RARB: variants seen among roughly 807,000 people sequenced by gnomAD.
The protein encoded by RARB is HBV-activated protein.
RARB carries 17 observed loss-of-function variants against 51.9 expected under a neutral mutation model. That is an observed-to-expected ratio of 0.33 (90% CI 0.22 to 0.49). The LOEUF is 0.49. Ranked by LOEUF, RARB falls within the 20% of genes least tolerant of loss-of-function variation. The pLI is 0.99. For missense variants in RARB, 369 were observed against 550.8 expected (o/e 0.67, Z 3.30); for synonymous variants, 215 against 195.4 (o/e 1.10, Z -0.84).
At chr3:25,591,777 A>G (rs1158331577) in intron 5 of RARB, among the ~76,000 whole-genome samples, 1 of 152,226 alleles carries the variant, frequency 6.6e-6, no homozygotes, top group African/African-American at 2.4e-5. Context: ...TTTTAAAAAT[A>G]TATACAACAG....
chr3:25,248,120 G>T (rs1361485415), intron 5 of RARB, among the ~76,000 whole-genome samples: 1 of 152,104 alleles, frequency 6.6e-6, no homozygotes, highest in Non-Finnish European at 1.5e-5. Flanking sequence ...CTTTTATCAT[G>T]ATATAATGAC....
intron 5 of RARB, among the ~76,000 whole-genome samples, chr3:25,210,936 C>T (rs1285979201): frequency 1.3e-5 from 2 of 152,106 alleles, no homozygotes; most frequent in Non-Finnish European, 2.9e-5. Flanking sequence ...ATGGATTCTT[C>T]TGGTCCAGAC....
intron 2 of RARB, among the ~76,000 whole-genome samples, chr3:25,000,991 T>C (rs2125274961): frequency 6.6e-6 from 1 of 152,204 alleles, no homozygotes; most frequent in East Asian, 1.9e-4. Flanking sequence ...GAGCAGAATT[T>C]GAAAGAGAGG....
At chr3:25,535,752 C>T (rs1699113876) in intron 3 of RARB, among the ~76,000 whole-genome samples, 1 of 152,086 alleles carries the variant, frequency 6.6e-6, no homozygotes, top group African/African-American at 2.4e-5. Flanking sequence ...GGAAACCATC[C>T]TTGTCTCTTA....
Position 25,510,925 on chromosome 3 carries a change from A to G in RARB, c.448+9602A>G, listed in dbSNP as rs1011925244. On this transcript the variant is annotated intron_variant, in intron 3 of 7. Transcript: ENST00000330688. ...GCAACAATCCCTAGGTAGGACTGAA[A>G]TGTATTTATTTCAGATGTCTGCAAA... Among the ~76,000 whole-genome samples the G allele has an allele frequency of 5.9e-5, 9 of 152,260 alleles. No individual in the cohort carries two copies. In the East Asian group the frequency reaches 1.5e-3, roughly 26 times the overall value.
intron 5 of RARB, among the ~76,000 whole-genome samples, chr3:25,331,820 C>G (rs1293540542): frequency 6.6e-6 from 1 of 152,084 alleles, no homozygotes; most frequent in Admixed American, 6.5e-5. Context: ...CAAATAGACA[C>G]AATAAAAAAT....
chr3:24,913,588 C>A (rs1198832141), intron 2 of RARB, among the ~76,000 whole-genome samples: 1 of 152,018 alleles, frequency 6.6e-6, no homozygotes, highest in Non-Finnish European at 1.5e-5. Context: ...AAAATGGGTT[C>A]CTACTTGTAT....
intron 3 of RARB, among the ~76,000 whole-genome samples, chr3:25,512,600 G>A (rs555679943): frequency 5.3e-5 from 8 of 152,260 alleles, no homozygotes; most frequent in South Asian, 2.1e-4. Context: ...ATCCTTAGGC[G>A]GTGCCTGCTG....
At chr3:24,899,015 C>T (rs1559387634) in intron 2 of RARB, among the ~76,000 whole-genome samples, 1 of 152,326 alleles carries the variant, frequency 6.6e-6, no homozygotes, top group East Asian at 1.9e-4. Flanking sequence ...TCAAGGTTGT[C>T]AAAGTGTGGT....
chr3:25,067,405 C>CCATTGGTTCAGA (rs1197403912), intron 3 of RARB, among the ~76,000 whole-genome samples: 2 of 152,102 alleles, frequency 1.3e-5, no homozygotes, highest in Non-Finnish European at 2.9e-5. Flanking sequence ...AGGAAGTGGT[C>CCATTGGTTCAGA]CATTGGTTCA....
At position 25,176,435 on chromosome 3, in the gene RARB, C is replaced by T. The variant is rs540798297; in HGVS notation, c.178+1860C>T. On this transcript the variant is annotated intron_variant, in intron 5 of 11. Transcript: ENST00000383772. ...TTTTTGAGATGGTATCTCGCTCTGT[C>T]GCCGGGCCAGAGTGCAGTGGTGTGA... Among the ~76,000 whole-genome samples the T allele has an allele frequency of 2.8e-4, 42 of 148,704 alleles. No individual in the cohort carries two copies. In the South Asian group the frequency reaches 7.1e-3, roughly 25 times the overall value.
chr3:25,451,623 A>G (rs754418249), intron 1 of RARB, among the ~76,000 whole-genome samples: 2 of 152,240 alleles, frequency 1.3e-5, no homozygotes, highest in Non-Finnish European at 2.9e-5. Flanking sequence ...AGTGTAATCA[A>G]TCATACTTGA....
At chr3:25,510,823 A>G (rs946638074) in intron 3 of RARB, among the ~76,000 whole-genome samples, 1 of 152,230 alleles carries the variant, frequency 6.6e-6, no homozygotes, top group African/African-American at 2.4e-5. Context: ...TACCAATGAG[A>G]AAAATCTCAG....
chr3:25,595,580 G>A (rs1019742818), intron 7 of RARB, among the ~76,000 whole-genome samples: 2 of 152,162 alleles, frequency 1.3e-5, no homozygotes, highest in African/African-American at 4.8e-5. Context: ...CTATCATTCT[G>A]TATAGATGAC....
chr3:24,943,349 C>G (rs947267806), intron 2 of RARB, among the ~76,000 whole-genome samples: 1 of 152,078 alleles, frequency 6.6e-6, no homozygotes, highest in Non-Finnish European at 1.5e-5. Flanking sequence ...TCCATTGCTA[C>G]GCTCTTGTTA....
chr3:25,107,005 A>G (rs1169050792), intron 3 of RARB, among the ~76,000 whole-genome samples: 2 of 151,966 alleles, frequency 1.3e-5, no homozygotes, highest in Non-Finnish European at 2.9e-5. Context: ...GGTTCAAGCA[A>G]TTCTCCTGCC....
chr3:25,101,313 G>A (rs1031803826), intron 3 of RARB, among the ~76,000 whole-genome samples: 5 of 151,762 alleles, frequency 3.3e-5, no homozygotes, highest in Admixed American at 2.6e-4. Flanking sequence ...ACATGCACGT[G>A]GAAAAGAAAA....
intron 2 of RARB, among the ~76,000 whole-genome samples, chr3:25,051,104 A>T (rs1005943173): frequency 6.6e-6 from 1 of 152,302 alleles, no homozygotes; most frequent in South Asian, 2.1e-4. Flanking sequence ...CAAGTAGAAT[A>T]GGGTTTCCTT....
chr3:25,378,675 A>T (rs1706537977), intron 5 of RARB, among the ~76,000 whole-genome samples: 1 of 152,140 alleles, frequency 6.6e-6, no homozygotes, highest in South Asian at 2.1e-4. Context: ...ACACCAATTT[A>T]TCCGTCTCCA....
Sources: allele counts gnomAD v4.1 joint callset (sites outside exome capture counted in the v4.1 genomes callset), GRCh38; gene constraint gnomAD v4.1.1; transcripts MANE v1.5; gene names NCBI Gene and HGNC (gene_info 2026-07-23, HGNC 2026-07-21).